Variants in SPATS2 observed in about 807,000 individuals in gnomAD.
SPATS2 encodes the protein spermatogenesis-associated serine-rich protein 2.
SPATS2 carries 38 observed loss-of-function variants against 63.7 expected under a neutral mutation model. The ratio of observed to expected loss-of-function variants is 0.60; its 90% CI spans 0.46 to 0.78. SPATS2 has a LOEUF of 0.78. Ranked by LOEUF, SPATS2 falls within the 30% of genes least tolerant of loss-of-function variation. The probability of loss-of-function intolerance (pLI) is 0.00; values close to 1 mark genes in which losing one functional copy is unlikely to be tolerated. For synonymous variants in SPATS2, 207 were observed against 232.9 expected, an observed-to-expected ratio of 0.89 and a Z score of 1.01; for missense variants, 588 against 666.2, an observed-to-expected ratio of 0.88 and a Z score of 1.29.
intron 4 of SPATS2, among the ~76,000 whole-genome samples, chr12:49,486,613 AC>A (rs1205410532): frequency 6.6e-6 from 1 of 152,068 alleles, no homozygotes; most frequent in Non-Finnish European, 1.5e-5. Flanking sequence ...CAGACTGTAT[AC>A]CTTCTCACTT....
intron 2 of SPATS2, among the ~76,000 whole-genome samples, chr12:49,394,816 A>G (rs911385673): frequency 6.6e-6 from 1 of 152,140 alleles, no homozygotes; most frequent in African/African-American, 2.4e-5. Flanking sequence ...TCACGCCTGT[A>G]ATCCCAGCAC....
chr12:49,415,515 A>C (rs1944874708), intron 2 of SPATS2, among the ~76,000 whole-genome samples: 1 of 152,224 alleles, frequency 6.6e-6, no homozygotes, highest in Non-Finnish European at 1.5e-5. Flanking sequence ...TCTTATACAC[A>C]GCTAAAAGAA....
At chr12:49,440,850 A>C (rs1411995969) in intron 2 of SPATS2, among the ~76,000 whole-genome samples, 1 of 152,162 alleles carries the variant, frequency 6.6e-6, no homozygotes, top group Admixed American at 6.5e-5. Flanking sequence ...GATTCAGATT[A>C]TGCAGTTTTG....
intron 2 of SPATS2, among the ~76,000 whole-genome samples, chr12:49,451,029 C>T (rs951762221): frequency 6.6e-6 from 1 of 151,358 alleles, no homozygotes; most frequent in Non-Finnish European, 1.5e-5. Context: ...CCACTGTGCC[C>T]AGCTAATATT....
intron 2 of SPATS2, among the ~76,000 whole-genome samples, chr12:49,384,871 G>A (rs535760811): frequency 5.9e-5 from 9 of 151,542 alleles, no homozygotes; most frequent in Admixed American, 3.9e-4. Context: ...GTGCAATGGC[G>A]CGACCTTGGC....
intron 4 of SPATS2, among the ~76,000 whole-genome samples, chr12:49,489,256 C>CT (rs1282308262): frequency 1.1e-4 from 17 of 152,178 alleles, no homozygotes; most frequent in Non-Finnish European, 2.5e-4. Flanking sequence ...TTCTGCATTT[C>CT]TAAGTTTTGA....
upstream of SPATS2, chr12:49,366,943 C>G (rs1322800132): frequency 6.6e-6 from 1 of 152,044 alleles, no homozygotes; most frequent in Non-Finnish European, 1.5e-5. Flanking sequence ...TGCACGCGGA[C>G]GCGAGCTCGC....
At chr12:49,507,317 T>C (rs984397603) in intron 9 of SPATS2, among the ~76,000 whole-genome samples, 1 of 152,150 alleles carries the variant, frequency 6.6e-6, no homozygotes, top group Non-Finnish European at 1.5e-5. Context: ...GCATGGTATT[T>C]ACACTGGCGG....
At position 49,367,491 on chromosome 12, in the gene SPATS2, A is replaced by C; in HGVS notation, c.-403A>C. 2.5e-6 allele frequency: 1 copy of C among 394,466 alleles called. No homozygotes were observed. The highest frequency in any genetic ancestry group is 4.5e-6 in the Non-Finnish European group (1 of 224,568). 24.4% of individuals were successfully genotyped at this position (394,466 alleles called of 1,614,324 possible). On this transcript the variant is annotated 5_prime_UTR_variant, in exon 1 of 14. Transcript: ENST00000552918. ...ACGGCGGCGGTGGCTCTAGAAGGGG[A>C]GGTGGAGGATCTCCTTTCCTCTTCT...
At chr12:49,467,522 A>G (rs1415859285) in intron 3 of SPATS2, among the ~76,000 whole-genome samples, 3 of 152,148 alleles carry the variant, frequency 2.0e-5, no homozygotes, top group Non-Finnish European at 2.9e-5. Flanking sequence ...TCCTCTGAAG[A>G]CAGACTCTAG....
chr12:49,439,628 A>G (rs1179705215), intron 2 of SPATS2, among the ~76,000 whole-genome samples: 2 of 152,240 alleles, frequency 1.3e-5, no homozygotes, highest in Non-Finnish European at 2.9e-5. Context: ...TTAGTACCAC[A>G]TACTGAGAAG....
At chr12:49,472,644 A>T (rs1000877131) in intron 3 of SPATS2, among the ~76,000 whole-genome samples, 1 of 147,968 alleles carries the variant, frequency 6.8e-6, no homozygotes, top group Non-Finnish European at 1.5e-5. Flanking sequence ...ATTATATTAT[A>T]TTATTATATT....
chr12:49,462,632 G>T (rs1945841964), intron 3 of SPATS2: 5 of 591,334 alleles, frequency 8.5e-6, no homozygotes, highest in Middle Eastern at 4.4e-4. Context: ...TGAATTGAAG[G>T]ATGGTAAATG....
At chr12:49,436,629 G>A (rs1160365822) in intron 2 of SPATS2, among the ~76,000 whole-genome samples, 14 of 126,870 alleles carry the variant, frequency 1.1e-4, no homozygotes, top group East Asian at 2.6e-4. Context: ...CCTCCCTCCC[G>A]GACGGGGCGG....
intron 9 of SPATS2, among the ~76,000 whole-genome samples, chr12:49,506,216 T>G (rs1946651681): frequency 6.6e-6 from 1 of 152,198 alleles, no homozygotes; most frequent in Non-Finnish European, 1.5e-5. Flanking sequence ...TTAAGATATT[T>G]TCAATTTGCA....
At chr12:49,371,677 G>A (rs953252652) in intron 2 of SPATS2, among the ~76,000 whole-genome samples, 2 of 152,310 alleles carry the variant, frequency 1.3e-5, no homozygotes, top group Middle Eastern at 6.8e-3. Flanking sequence ...GAGGCCTCAG[G>A]AAGCTTATGA....
intron 3 of SPATS2, among the ~76,000 whole-genome samples, chr12:49,470,729 A>G (rs1226172770): frequency 3.3e-5 from 5 of 152,094 alleles, no homozygotes; most frequent in Non-Finnish European, 2.9e-5. Context: ...CCAACCACCT[A>G]GTACAGTTAG....
chr12:49,483,998 G>GT (rs1212149861), intron 3 of SPATS2, among the ~76,000 whole-genome samples: 1 of 152,156 alleles, frequency 6.6e-6, no homozygotes, highest in Non-Finnish European at 1.5e-5. Context: ...TTTGCACATA[G>GT]CCTTTTTCTT....
chr12:49,497,387 A>G (rs150272449), intron 8 of SPATS2, among the ~76,000 whole-genome samples: 287 of 144,642 alleles, frequency 2.0e-3, no homozygotes, highest in African/African-American at 6.6e-3. Flanking sequence ...CTTCTCTGAC[A>G]TTGACTTTTT....
Sources: allele counts gnomAD v4.1 joint callset (sites outside exome capture counted in the v4.1 genomes callset), GRCh38; gene constraint gnomAD v4.1.1; transcripts MANE v1.5; gene names NCBI Gene and HGNC (gene_info 2026-07-23, HGNC 2026-07-21).